Variants in ABCA4 observed in about 807,000 individuals in gnomAD.
ABCA4 encodes retinal-specific phospholipid-transporting ATPase ABCA4.
Under a neutral mutation model 263.7 loss-of-function variants are expected in ABCA4, and 196 were observed. The observed-to-expected ratio is 0.74, with a 90% CI of 0.66 to 0.84. The LOEUF is 0.84. Among genes scored for constraint, ABCA4 ranks in the 40% least tolerant of loss-of-function variants. The probability of loss-of-function intolerance (pLI) is 0.00; values close to 1 mark genes in which losing one functional copy is unlikely to be tolerated. For synonymous variants in ABCA4, 1,133 were observed against 1,094.2 expected (o/e 1.04, Z -0.70); for missense variants, 2,792 against 2,855.1 (o/e 0.98, Z 0.50).
Position 94,010,908 on chromosome 1 carries a change from G to A in ABCA4, c.5606C>T (p.Pro1869Leu), listed in dbSNP as rs376925793. Reference sequence around the variant, plus strand: ...CTTCCCAATCAGGTCCCAGTGGAACGGATTTGCAGAGTGCTCCTCACCTGG... The same window carrying A: ...CTTCCCAATCAGGTCCCAGTGGAACAGATTTGCAGAGTGCTCCTCACCTGG... ...ARFGEEHSANPFHWDLIGKNL... is the reference protein window; with the variant it reads ...ARFGEEHSANLFHWDLIGKNL... Residue 1869 changes from proline (P) to leucine (L), a missense_variant, in exon 40 of 50, where the codon CCG (proline) becomes CTG (leucine). Pro to Leu is a moderately conservative substitution (Grantham distance 98). Coordinates refer to ENST00000370225, the MANE Select transcript of ABCA4 (RefSeq NM_000350.3). The A allele has an allele frequency of 3.6e-5, 58 of 1,614,068 alleles. No homozygotes were observed. The African/African-American group carries it at 5.1e-4, about 14-fold the overall frequency.
chr1:94,083,566 CT>C, intron 6 of ABCA4, 125 bp from the exon 7 acceptor site: 1 of 702,886 alleles, frequency 1.4e-6, no homozygotes, highest in South Asian at 1.9e-5. Flanking sequence ...ATCGCAGGAT[CT>C]TTTCTGCAAG....
At chr1:94,104,136 CCCT>C (rs1425952988) in intron 4 of ABCA4, among the ~76,000 whole-genome samples, 1 of 152,146 alleles carries the variant, frequency 6.6e-6, no homozygotes, top group African/African-American at 2.4e-5. Flanking sequence ...CACACAAGCA[CCCT>C]CCTCCTCGGC....
chr1:94,112,101 G>A (rs911720669), intron 2 of ABCA4, among the ~76,000 whole-genome samples: 1 of 152,196 alleles, frequency 6.6e-6, no homozygotes, highest in African/African-American at 2.4e-5. Flanking sequence ...ATCAAGAATA[G>A]AGGACTGGGC....
chr1:94,098,932 CA>C lies in ABCA4; in HGVS notation c.629del (p.Leu210ArgfsTer31), dbSNP rs2101135952. 1.9e-6 allele frequency: 3 copies of C among 1,613,406 alleles called. No homozygotes were observed. Among genetic ancestry groups the C allele is most frequent in the Non-Finnish European group, 2.5e-6 (3 of 1,180,018 alleles). ...LKDIACSEALLERFIIFSQRR... is the reference protein window; with the variant it reads ...LKDIACSEALXERFIIFSQRR... ...TCTGGCTGAAGATGATGAAGCGCTC[CA>C]GGAGGGCCTCGCTGCAGGCGATGTC... On this transcript the variant is annotated frameshift_variant, in exon 6 of 50. Coordinates refer to ENST00000370225, the MANE Select transcript of ABCA4 (RefSeq NM_000350.3). LOFTEE classifies it high-confidence loss of function.
chr1:94,005,005 T>C (rs182907905), intron 44 of ABCA4, among the ~76,000 whole-genome samples: 1 of 152,388 alleles, frequency 6.6e-6, no homozygotes, highest in Non-Finnish European at 1.5e-5. Flanking sequence ...TTCTTCTTTT[T>C]TATAGTTGCG....
intron 32 of ABCA4, among the ~76,000 whole-genome samples, chr1:94,022,807 T>C (rs917448613): frequency 1.3e-5 from 2 of 152,148 alleles, no homozygotes; most frequent in African/African-American, 4.8e-5. Flanking sequence ...TGGAGAGCAA[T>C]CCTGAAAGCC....
In ABCA4 at chr1:93,996,224, T is replaced by A. The variant is rs772357350; in HGVS notation, c.6730-29A>T. 3 of 1,565,294 alleles carry A rather than the reference T, an allele frequency of 1.9e-6. No individual in the cohort carries two copies. The African/African-American group carries it at 4.1e-5, about 21-fold the overall frequency. On this transcript the variant is annotated intron_variant, in intron 48 of 49. Coordinates refer to ENST00000370225, the MANE Select transcript of ABCA4 (RefSeq NM_000350.3). ...GAGGTAAGAGAAGAGCGAGATTAGG[T>A]AGATATTTCCAGGAAAACAGCACCC...
At chr1:94,072,828 C>A (rs994588587) in intron 11 of ABCA4, among the ~76,000 whole-genome samples, 1 of 152,150 alleles carries the variant, frequency 6.6e-6, no homozygotes, top group Non-Finnish European at 1.5e-5. Context: ...GTCTGACTTC[C>A]ATTTATTTCC....
chr1:94,042,982 G>A (rs993773411), intron 21 of ABCA4, 84 bp from the exon 22 acceptor site: 14 of 1,576,614 alleles, frequency 8.9e-6, no homozygotes, highest in Non-Finnish European at 1.2e-5. Flanking sequence ...CATTGTGGGG[G>A]TACCTTAACC....
intron 1 of ABCA4, among the ~76,000 whole-genome samples, chr1:94,115,921 C>G (rs372834538): frequency 6.6e-6 from 1 of 152,122 alleles, no homozygotes; most frequent in South Asian, 2.1e-4. Flanking sequence ...AGCCACACAC[C>G]GTCCCCTGCT....
At chr1:94,018,485 G>A (rs1223292586) in intron 36 of ABCA4, 1 of 446,572 alleles carries the variant, frequency 2.2e-6, no homozygotes, top group Non-Finnish European at 4.5e-6. Flanking sequence ...AGTTGCTACT[G>A]ATAATCTCTG....
At chr1:94,117,482 A>G (rs3838282) in intron 1 of ABCA4, among the ~76,000 whole-genome samples, 32,426 of 92,194 alleles carry the variant, frequency 0.35, 3,571 homozygotes, top group Middle Eastern at 0.45. Context: ...AGGCCCCCCC[A>G]CAGATATCCA....
At position 94,023,388 on chromosome 1, in the gene ABCA4, C is replaced by T. The variant is rs756953451; in HGVS notation, c.4665G>A (p.Gln1555=). The T allele has an allele frequency of 2.8e-5, 45 of 1,606,942 alleles. No individual in the cohort carries two copies. Among genetic ancestry groups the T allele is most frequent in the Non-Finnish European group, 3.1e-5 (36 of 1,173,834 alleles). ...TTCTGATAAAAATAGTTTCTTACCT[C>T]TGTTCATTGACCCAGAATTTGCTCT... ...SLKSKFWVNE[Q]RYGGISIGGK... Residue 1555 remains glutamine (Q), a splice_region_variant and synonymous_variant, in exon 32 of 50, where the codon CAG becomes CAA. Transcript: ENST00000370225.
intron 26 of ABCA4, among the ~76,000 whole-genome samples, chr1:94,032,846 G>A (rs1660241787): frequency 6.6e-6 from 1 of 152,168 alleles, no homozygotes; most frequent in South Asian, 2.1e-4. Context: ...AGGCAGAGTT[G>A]GGTAGAAAGG....
chr1:94,043,235 C>T lies in ABCA4; in HGVS notation c.3190+101G>A, dbSNP rs79871431. On this transcript the variant is annotated intron_variant, in intron 21 of 49. Coordinates refer to ENST00000370225, the MANE Select transcript of ABCA4 (RefSeq NM_000350.3). ...TGTAACTTCACAGAGGTGTTCCCACCCTTAGAAGCTCTCCTGCTCCAAGCC... is the reference window on the plus strand; with the variant it reads ...TGTAACTTCACAGAGGTGTTCCCACTCTTAGAAGCTCTCCTGCTCCAAGCC... 4.7e-3 allele frequency: 7,277 copies of T among 1,543,636 alleles called. 281 individuals carry two copies. The African/African-American group carries it at 0.085, about 18-fold the overall frequency.
chr1:94,037,026 A>T, intron 25 of ABCA4, 119 bp downstream of exon 25: 1 of 1,116,146 alleles, frequency 9.0e-7, no homozygotes, highest in Non-Finnish European at 1.4e-6. Context: ...GATAGTTGCT[A>T]TGCTTGGGTG....
intron 2 of ABCA4, 36 bp downstream of exon 2, chr1:94,112,937 C>G: frequency 6.4e-7 from 1 of 1,559,116 alleles, no homozygotes; most frequent in Non-Finnish European, 8.8e-7. Flanking sequence ...ACCAAAGTCT[C>G]TTCAGGGCTT....
At chr1:93,998,749 T>TTTATG (rs1220436088) in intron 47 of ABCA4, among the ~76,000 whole-genome samples, 25 of 150,936 alleles carry the variant, frequency 1.7e-4, no homozygotes, top group African/African-American at 5.1e-4. Context: ...TTTATTTTAT[T>TTTATG]TTATTTTATT....
At chr1:94,035,440 G>A (rs17110916) in intron 26 of ABCA4, among the ~76,000 whole-genome samples, 9,221 of 152,266 alleles carry the variant, frequency 0.061, 323 homozygotes, top group Middle Eastern at 0.21. Flanking sequence ...TGGTCACCAT[G>A]CGATGTACTG....
Sources: allele counts gnomAD v4.1 joint callset (sites outside exome capture counted in the v4.1 genomes callset), GRCh38; gene constraint gnomAD v4.1.1; transcripts MANE v1.5; gene names NCBI Gene and HGNC (gene_info 2026-07-23, HGNC 2026-07-21).